The following MUC4 variants were observed in gnomAD, a reference collection of about 807,000 sequenced individuals.
The protein encoded by MUC4 is mucin-4.
MUC4 carries 202 observed loss-of-function variants against 257.9 expected under a neutral mutation model. The ratio of observed to expected loss-of-function variants is 0.78; its 90% CI spans 0.70 to 0.88. The LOEUF is 0.88. MUC4 is among the 40% of genes least tolerant of loss of function. MUC4 has a pLI of 0.00. For missense variants in MUC4, 5,976 were observed against 6,513.7 expected, an observed-to-expected ratio of 0.92 and a Z score of 2.84; for synonymous variants, 2,351 against 2,757.1, an observed-to-expected ratio of 0.85 and a Z score of 4.62.
chr3:195,766,056 G>T (rs888514378), intron 8 of MUC4, among the ~76,000 whole-genome samples: 2 of 152,106 alleles, frequency 1.3e-5, no homozygotes, highest in African/African-American at 4.8e-5. Flanking sequence ...CACCTCCCAG[G>T]TTCAAACAAT....
chr3:195,747,208 A>C lies in MUC4; in HGVS notation c.16207T>G (p.Tyr5403Asp), dbSNP rs369747810. ...FWGCSGARFS[Y>D]FLNSAEALP ...AAGGCCTCAGCTGAGTTCAGGAAAT[A>C]GGAGAACCTGGCCCCGGAGCAACCC... Residue 5403 changes from tyrosine (Y) to aspartate (D), a missense_variant, in exon 25 of 25, where the codon TAT becomes GAT. Around this residue, in one of 44 missense-constraint regions of MUC4, gnomAD observed 310 missense variants for 242.1 expected, o/e 1.28. Coordinates refer to ENST00000463781, the MANE Select transcript of MUC4 (RefSeq NM_018406.7). 12 of 1,614,140 alleles carry C rather than the reference A, an allele frequency of 7.4e-6. No homozygotes were observed. Among genetic ancestry groups the C allele is most frequent in the Non-Finnish European group, 1.0e-5 (12 of 1,180,042 alleles).
In MUC4 at chr3:195,800,084, C is replaced by T. The variant is rs955627520; in HGVS notation, c.83-8587G>A. Among the ~76,000 whole-genome samples the T allele has an allele frequency of 3.4e-4, 52 of 152,094 alleles. 3 individuals carry two copies. Among genetic ancestry groups the T allele is most frequent in the Non-Finnish European group, 1.5e-5 (1 of 68,016 alleles). The stretch of plus-strand genomic sequence containing the variant: ...TTTGAGGTCAGGAGTTCAAGACCAG[C>T]CTGGCCAACATGATGAAACCCCATC... On this transcript the variant is annotated intron_variant, in intron 1 of 24. Transcript: ENST00000463781.
intron 1 of MUC4, among the ~76,000 whole-genome samples, chr3:195,794,118 TTAAA>T (rs5855532): frequency 0.41 from 61,620 of 149,310 alleles, 15,084 homozygotes; most frequent in East Asian, 0.74. Context: ...AAAATAGATA[TTAAA>T]TAAATAAAGA....
chr3:195,775,457 A>C, intron 3 of MUC4, among the ~76,000 whole-genome samples: 1 of 108,608 alleles, frequency 9.2e-6, no homozygotes, highest in African/African-American at 3.5e-5. Flanking sequence ...TTCCACACCC[A>C]TACCTTCCAC....
Position 195,783,993 on chromosome 3 carries a change from A to AAG in MUC4, c.7585_7586dup (p.Pro2530PhefsTer475). ...ATAATGAGGAAGCATTGGTGACAGG[A>AAG]AGAGGGGTGGTGTCACCTGTGGATG... On this transcript the variant is annotated frameshift_variant, in exon 2 of 25. Coordinates refer to ENST00000463781, the MANE Select transcript of MUC4 (RefSeq NM_018406.7). LOFTEE classifies it high-confidence loss of function. 6.5e-7 allele frequency: 1 copy of AAG among 1,528,346 alleles called. No individual in the cohort carries two copies. Among genetic ancestry groups the AAG allele is most frequent in the Non-Finnish European group, 8.8e-7 (1 of 1,137,774 alleles). 94.7% of individuals were successfully genotyped at this position (1,528,346 alleles called of 1,614,324 possible).
Position 195,788,823 on chromosome 3 carries a change from A to C in MUC4, c.2757T>G (p.Ser919=), listed in dbSNP as rs1207760269. The C allele has an allele frequency of 6.2e-7, 1 of 1,613,788 alleles. No homozygotes were observed. The highest frequency in any genetic ancestry group is 1.3e-5 in the African/African-American group (1 of 74,874). The change falls in exon 2 of 25, where the codon TCT becomes TCG. Residue 919 remains serine (S), a synonymous_variant. Coordinates refer to ENST00000463781, the MANE Select transcript of MUC4 (RefSeq NM_018406.7). The stretch of plus-strand genomic sequence containing the variant: ...CCTGGGACGCCAGGCTGATAGTGTC[A>C]GACCCTCTGCTGGTTCTTGTCCTCT... The part of the protein sequence containing the change: ...QTQRTRTSRG[S]DTISLASQAT...
In MUC4 at chr3:195,751,264, T is replaced by C; in HGVS notation, c.15590A>G (p.Tyr5197Cys). ...SMAEVNASVA[Y>C]RLGTLDMRAF... ...CCGCATGTCCAGGGTCCCCAGTCTGTATGCCACCTAGGTTAGAGGATGGCA... is the reference window on the plus strand; with the variant it reads ...CCGCATGTCCAGGGTCCCCAGTCTGCATGCCACCTAGGTTAGAGGATGGCA... The change falls in exon 22 of 25, where the codon TAC (tyrosine) becomes TGC (cysteine). Residue 5197 changes from tyrosine (Y) to cysteine (C), a missense_variant. Transcript: ENST00000463781. 6.2e-7 allele frequency: 1 copy of C among 1,605,668 alleles called. No homozygotes were observed. Among genetic ancestry groups the C allele is most frequent in the Non-Finnish European group, 8.5e-7 (1 of 1,176,490 alleles).
intron 19 of MUC4, chr3:195,753,861 G>A (rs1021484672): frequency 1.3e-4 from 36 of 270,736 alleles, no homozygotes; most frequent in African/African-American, 5.7e-4. Context: ...CAGCTTGCCC[G>A]GTTCTCTGGC....
In MUC4 at chr3:195,762,781, C is replaced by A. The variant is rs1184196493; in HGVS notation, c.14344+74G>T. On this transcript the variant is annotated intron_variant, in intron 13 of 24. Coordinates refer to ENST00000463781, the MANE Select transcript of MUC4 (RefSeq NM_018406.7). The stretch of plus-strand genomic sequence containing the variant: ...CTGCACCGCCACGCGCCCGGCCCTG[C>A]ACCGCAACGCGGCTTCCCGCCCACC... 1.5e-5 allele frequency: 21 copies of A among 1,382,136 alleles called. No homozygotes were observed. The African/African-American group carries it at 2.6e-4, about 17-fold the overall frequency. 85.6% of individuals were successfully genotyped at this position (1,382,136 alleles called of 1,614,324 possible).
At position 195,747,125 on chromosome 3, in the gene MUC4, T is replaced by C. The variant is rs1715179531; in HGVS notation, c.*51A>G. On this transcript the variant is annotated 3_prime_UTR_variant, in exon 25 of 25. Coordinates refer to ENST00000463781, the MANE Select transcript of MUC4 (RefSeq NM_018406.7). Reference sequence around the variant, plus strand: ...CCCAAAAGCAATGGCGCCTTAAATGTGCGGTAAGGATGAGGTGAGTCTTGA... The same window carrying C: ...CCCAAAAGCAATGGCGCCTTAAATGCGCGGTAAGGATGAGGTGAGTCTTGA... 2 of 1,605,448 alleles carry C rather than the reference T, an allele frequency of 1.2e-6. No homozygotes were observed. Among genetic ancestry groups the C allele is most frequent in the Non-Finnish European group, 1.7e-6 (2 of 1,173,170 alleles).
At chr3:195,797,983 G>C (rs372414064) in intron 1 of MUC4, among the ~76,000 whole-genome samples, 382 of 152,154 alleles carry the variant, frequency 2.5e-3, no homozygotes, top group African/African-American at 6.6e-3. Flanking sequence ...GCTGGGCATA[G>C]TAGCACACAC....
At position 195,757,919 on chromosome 3, in the gene MUC4, A is replaced by G. The variant is rs1225197227; in HGVS notation, c.14987-591T>C. Among the ~76,000 whole-genome samples, 1 of 152,210 alleles carries G rather than the reference A, an allele frequency of 6.6e-6. No individual in the cohort carries two copies. Among genetic ancestry groups the G allele is most frequent in the East Asian group, 1.9e-4 (1 of 5,196 alleles). The stretch of plus-strand genomic sequence containing the variant: ...GAGAATAGACGAACGTAATTTCCAG[A>G]CCATCGTCCTTCAGGGGTGGGGCCC... On this transcript the variant is annotated intron_variant, in intron 17 of 24. Transcript: ENST00000463781. This position sits in a 1 kb window ranked among gnomAD's most constrained non-coding sequence, Gnocchi z 4.8.
intron 17 of MUC4, among the ~76,000 whole-genome samples, chr3:195,758,573 C>CTTTTTTGTTTTTT (rs368821867): frequency 7.9e-6 from 1 of 126,478 alleles, no homozygotes; most frequent in Non-Finnish European, 1.6e-5. Flanking sequence ...ATCTTCAAAT[C>CTTTTTTGTTTTTT]TTTTTTTTGA....
chr3:195,754,864 T>C (rs1269897609), intron 18 of MUC4, among the ~76,000 whole-genome samples: 1 of 136,650 alleles, frequency 7.3e-6, no homozygotes, highest in Non-Finnish European at 1.6e-5. Flanking sequence ...CATGTAGATA[T>C]GTATCAATGT....
intron 7 of MUC4, among the ~76,000 whole-genome samples, chr3:195,767,587 A>ATCACCATTG (rs1560262076): frequency 2.8e-4 from 31 of 110,766 alleles, no homozygotes; most frequent in Admixed American, 1.3e-3. Flanking sequence ...CACCACCATC[A>ATCACCATTG]CCACCACCAC....
Position 195,788,743 on chromosome 3 carries a change from C to A in MUC4, c.2837G>T (p.Gly946Val), listed in dbSNP as rs1018116078. 3 of 1,609,078 alleles carry A rather than the reference C, an allele frequency of 1.9e-6. No individual in the cohort carries two copies. The African/African-American group carries it at 4.1e-5, about 22-fold the overall frequency. ...PPTPPSITST[G>V]LTSPQTETHT... The stretch of plus-strand genomic sequence containing the variant: ...GGTCTCGGTTTGTGGAGATGTAAGC[C>A]CAGTGGATGTGATCGATGGAGGTGT... The change falls in exon 2 of 25, where the codon GGG (glycine) becomes GTG (valine). Residue 946 changes from glycine to valine, a missense_variant. By Grantham distance (109) the Gly-to-Val change is moderately radical. Transcript: ENST00000463781.
chr3:195,757,482 G>GCTCAAA lies in MUC4; in HGVS notation c.14987-155_14987-154insTTTGAG, dbSNP rs1717901735. ...ATTTCCTTTGAGCAAGGCTGGTATC[G>GCTCAAA]GGGGTGATCCTGGTCACGCTCCCAG... On this transcript the variant is annotated intron_variant, in intron 17 of 24. Transcript: ENST00000463781. The surrounding 1 kb of genome is among the most constrained non-coding windows in gnomAD (Gnocchi z 4.8). Among the ~76,000 whole-genome samples the GCTCAAA allele has an allele frequency of 6.6e-6, 1 of 151,070 alleles. No individual in the cohort carries two copies. The highest frequency in any genetic ancestry group is 2.4e-5 in the African/African-American group (1 of 41,022).
chr3:195,759,186 G>A lies in MUC4; in HGVS notation c.14924C>T (p.Thr4975Ile), dbSNP rs780104013. 2.4e-5 allele frequency: 38 copies of A among 1,614,008 alleles called. No individual in the cohort carries two copies. In the Admixed American group the frequency reaches 3.0e-4, roughly 13 times the overall value. Residue 4975 changes from threonine to isoleucine, a missense_variant, in exon 17 of 25, where the codon ACC (threonine) becomes ATC (isoleucine). Thr to Ile is a moderately conservative substitution (Grantham distance 89). This residue lies in a region of MUC4 where 996 missense variants were observed against 1,137.3 expected (regional missense o/e 0.88). Coordinates refer to ENST00000463781, the MANE Select transcript of MUC4 (RefSeq NM_018406.7). ...YKGQTTLIQYTSNAEDANFTL... is the reference protein window; with the variant it reads ...YKGQTTLIQYISNAEDANFTL... ...GAAGTTGGCATCCTCAGCATTGCTGGTGTACTGAATCAGCGTGGTCTGCCC... is the reference window on the plus strand; with the variant it reads ...GAAGTTGGCATCCTCAGCATTGCTGATGTACTGAATCAGCGTGGTCTGCCC...
chr3:195,747,460 G>T, intron 24 of MUC4, 80 bp from the exon 25 acceptor site: 2 of 1,490,848 alleles, frequency 1.3e-6, no homozygotes, highest in South Asian at 1.2e-5. Context: ...TGGGGAAGAA[G>T]AGGTTCTGTA....
Sources: allele counts gnomAD v4.1 joint callset (sites outside exome capture counted in the v4.1 genomes callset), GRCh38; gene constraint gnomAD v4.1.1; regional missense constraint gnomAD v4.1.1; non-coding constraint Gnocchi (gnomAD v3.1); transcripts MANE v1.5; gene names NCBI Gene and HGNC (gene_info 2026-07-23, HGNC 2026-07-21).